The following PPP2R2B variants were observed in gnomAD, a reference collection of about 807,000 sequenced individuals.
The protein encoded by PPP2R2B is protein phosphatase 2 regulatory subunit Bbeta, also known as serine/threonine-protein phosphatase 2A 55 kDa regulatory subunit B beta isoform.
Under a neutral mutation model 46.0 loss-of-function variants are expected in PPP2R2B, and 5 were observed. The ratio of observed to expected loss-of-function variants is 0.11; its 90% CI spans 0.06 to 0.23. PPP2R2B has a LOEUF of 0.23. PPP2R2B is among the 10% of genes least tolerant of loss of function. The pLI is 1.00. For missense variants in PPP2R2B, 367 were observed against 575.0 expected (o/e 0.64, Z 3.70); for synonymous variants, 215 against 206.7 (o/e 1.04, Z -0.34).
chr5:146,902,686 G>C (rs992689394), intron 1 of PPP2R2B, among the ~76,000 whole-genome samples: 5 of 152,156 alleles, frequency 3.3e-5, no homozygotes, highest in Non-Finnish European at 5.9e-5. Flanking sequence ...ATCTGATCAA[G>C]CCAAAAGCCA....
chr5:146,660,467 G>A (rs746106661), intron 5 of PPP2R2B, among the ~76,000 whole-genome samples: 28 of 152,012 alleles, frequency 1.8e-4, no homozygotes, highest in Non-Finnish European at 3.4e-4. Flanking sequence ...ACCTCACTTT[G>A]GTCAAAAAAC....
Position 146,581,587 on chromosome 5 carries a change from G to A in PPP2R2B, c.*8360C>T, listed in dbSNP as rs1043797446. On this transcript the variant is annotated 3_prime_UTR_variant, in exon 10 of 10. Transcript: ENST00000394411. ...AATAAGAACTGTTGTCCTTCTTCTC[G>A]TCAGGGAGGAAATGAGGGGTTTAAA... 3.9e-5 allele frequency: 6 copies of A among 152,022 alleles called. No individual in the cohort carries two copies. The highest frequency in any genetic ancestry group is 8.8e-5 in the Non-Finnish European group (6 of 68,020). 9.4% of individuals were successfully genotyped at this position (152,022 alleles called of 1,614,324 possible). A position where few individuals can be genotyped will look rare whatever the true frequency, so the allele number is the denominator to read the frequency against.
intron 2 of PPP2R2B, among the ~76,000 whole-genome samples, chr5:146,780,869 T>C (rs1275560878): frequency 6.6e-6 from 1 of 152,016 alleles, no homozygotes; most frequent in Non-Finnish European, 1.5e-5. Context: ...CTCATTTGTA[T>C]ATATCTCACA....
At chr5:146,797,638 G>A (rs1404726412) in intron 2 of PPP2R2B, among the ~76,000 whole-genome samples, 1 of 152,210 alleles carries the variant, frequency 6.6e-6, no homozygotes, top group Non-Finnish European at 1.5e-5. Flanking sequence ...ACTACCAGCA[G>A]CTAAGCACAT....
intron 2 of PPP2R2B, among the ~76,000 whole-genome samples, chr5:146,801,683 C>G (rs960544724): frequency 6.6e-6 from 1 of 152,138 alleles, no homozygotes; most frequent in South Asian, 2.1e-4. Flanking sequence ...TTTATTCACT[C>G]ACCCATAAAA....
intron 2 of PPP2R2B, among the ~76,000 whole-genome samples, chr5:146,833,045 A>G (rs1172893148): frequency 1.3e-5 from 2 of 152,006 alleles, no homozygotes; most frequent in African/African-American, 4.8e-5. Context: ...GCTTTAGTTA[A>G]TATCAGAGAG....
chr5:147,033,676 C>T (rs1755901199), intron 1 of PPP2R2B, among the ~76,000 whole-genome samples: 1 of 151,990 alleles, frequency 6.6e-6, no homozygotes, highest in African/African-American at 2.4e-5. Flanking sequence ...CAAGTCAAGC[C>T]TTCATCACAG....
At chr5:146,828,925 T>C (rs1366090732) in intron 2 of PPP2R2B, among the ~76,000 whole-genome samples, 1 of 152,188 alleles carries the variant, frequency 6.6e-6, no homozygotes, top group African/African-American at 2.4e-5. Flanking sequence ...ATAATACAAT[T>C]TGGCTATTAT....
chr5:146,840,879 C>T (rs940055186), intron 2 of PPP2R2B, among the ~76,000 whole-genome samples: 1 of 152,104 alleles, frequency 6.6e-6, no homozygotes, highest in African/African-American at 2.4e-5. Context: ...CAAACACGTC[C>T]TTAATCTGAT....
In PPP2R2B at chr5:146,698,019, G is replaced by T. The variant is rs145279503; in HGVS notation, c.294C>A (p.Leu98=). The T allele has an allele frequency of 1.8e-4, 287 of 1,613,200 alleles. No individual in the cohort carries two copies. The African/African-American group carries it at 3.4e-3, about 19-fold the overall frequency. The part of the protein sequence containing the change: ...IEEKINKIRW[L]PQQNAAYFLL... ...GAAAGTAAGCTGCATTCTGCTGGGG[G>T]AGCCATCTTATTTTATTGATTTTTT... The change falls in exon 4 of 10, where the codon CTC becomes CTA. Residue 98 remains leucine (L), a synonymous_variant. Transcript: ENST00000394411.
intron 1 of PPP2R2B, among the ~76,000 whole-genome samples, chr5:146,991,226 T>G (rs1753685428): frequency 6.6e-6 from 1 of 152,124 alleles, no homozygotes; most frequent in South Asian, 2.1e-4. Flanking sequence ...ACTGGGTACA[T>G]ATACAAAGGA....
chr5:146,680,893 T>C (rs1778127106), intron 5 of PPP2R2B, among the ~76,000 whole-genome samples: 1 of 152,212 alleles, frequency 6.6e-6, no homozygotes, highest in African/African-American at 2.4e-5. Context: ...TATATTTTTC[T>C]GTTGAAAACA....
chr5:146,658,757 G>A (rs1005696977), intron 5 of PPP2R2B, among the ~76,000 whole-genome samples: 1 of 152,130 alleles, frequency 6.6e-6, no homozygotes, highest in Non-Finnish European at 1.5e-5. Context: ...GGTGTACTAT[G>A]CAATTCATAA....
intron 1 of PPP2R2B, among the ~76,000 whole-genome samples, chr5:147,018,184 A>G (rs1755103175): frequency 6.6e-6 from 1 of 152,146 alleles, no homozygotes; most frequent in Non-Finnish European, 1.5e-5. Flanking sequence ...TATATAAAGT[A>G]CTATTATATG....
chr5:146,930,215 G>A (rs62373315), intron 1 of PPP2R2B, among the ~76,000 whole-genome samples: 34,551 of 152,000 alleles, frequency 0.23, 4,186 homozygotes, highest in East Asian at 0.38. Flanking sequence ...CTGAGAGCTG[G>A]TCAGTGAGGA....
chr5:146,978,800 G>A (rs1441214096), intron 1 of PPP2R2B, among the ~76,000 whole-genome samples: 1 of 152,128 alleles, frequency 6.6e-6, no homozygotes, highest in African/African-American at 2.4e-5. Flanking sequence ...AAGTCAGGCA[G>A]CATGATGCCT....
chr5:147,053,544 A>AC (rs1756931852), intron 1 of PPP2R2B, among the ~76,000 whole-genome samples: 2 of 96,808 alleles, frequency 2.1e-5, no homozygotes, highest in Admixed American at 1.3e-4. Flanking sequence ...CCAACAATAT[A>AC]AACACACACA....
chr5:146,831,239 G>C (rs1758911581), intron 2 of PPP2R2B, among the ~76,000 whole-genome samples: 2 of 152,146 alleles, frequency 1.3e-5, no homozygotes, highest in South Asian at 4.1e-4. Flanking sequence ...GCTCATGCCT[G>C]TAATCTCAGC....
intron 1 of PPP2R2B, among the ~76,000 whole-genome samples, chr5:146,885,533 T>C (rs1407681916): frequency 6.6e-6 from 1 of 152,246 alleles, no homozygotes; most frequent in African/African-American, 2.4e-5. Context: ...TCTGGGATTG[T>C]ATAACAATGC....
Sources: allele counts gnomAD v4.1 joint callset (sites outside exome capture counted in the v4.1 genomes callset), GRCh38; gene constraint gnomAD v4.1.1; transcripts MANE v1.5; gene names NCBI Gene and HGNC (gene_info 2026-07-23, HGNC 2026-07-21).